The following HCN1 variants were observed in gnomAD, a reference collection of about 807,000 sequenced individuals.
The protein encoded by HCN1 is potassium/sodium hyperpolarization-activated cyclic nucleotide-gated channel 1.
HCN1 carries 13 observed loss-of-function variants against 78.9 expected under a neutral mutation model. The ratio of observed to expected loss-of-function variants is 0.16; its 90% CI spans 0.11 to 0.26. The LOEUF is 0.26. Ranked by LOEUF, HCN1 falls within the 10% of genes least tolerant of loss-of-function variation. HCN1 has a pLI of 1.00. For synonymous variants in HCN1, 552 were observed against 455.5 expected, an observed-to-expected ratio of 1.21 and a Z score of -2.70; for missense variants, 810 against 1,154.3, an observed-to-expected ratio of 0.70 and a Z score of 4.32.
chr5:45,257,547 C>T lies in HCN1; in HGVS notation c.*4374G>A, dbSNP rs1281238496. ...TGCGGGGAGTGTCAGCAAGGCTTCT[C>T]TCATTAAAAAACCTTAAAATCTCCA... On this transcript the variant is annotated 3_prime_UTR_variant, in exon 8 of 8. Transcript: ENST00000303230. The T allele has an allele frequency of 6.6e-6, 1 of 152,062 alleles. No homozygotes were observed. Among genetic ancestry groups the T allele is most frequent in the Non-Finnish European group, 1.5e-5 (1 of 68,030 alleles). 9.4% of individuals were successfully genotyped at this position (152,062 alleles called of 1,614,324 possible).
chr5:45,335,113 G>A lies in HCN1; in HGVS notation c.1377+17987C>T, dbSNP rs185921425. On this transcript the variant is annotated intron_variant, in intron 5 of 7. Transcript: ENST00000303230. Reference sequence around the variant, plus strand: ...GACACATGATCTGTACCTATTTTAAGCCCATGGCTCTTCACAATCCATTGT... The same window carrying A: ...GACACATGATCTGTACCTATTTTAAACCCATGGCTCTTCACAATCCATTGT... Among the ~76,000 whole-genome samples, 457 of 152,078 alleles carry A rather than the reference G, an allele frequency of 3.0e-3. 1 individual carries two copies. The highest frequency in any genetic ancestry group is 0.01 in the African/African-American group (435 of 41,530).
chr5:45,473,804 T>C (rs1185951320), intron 2 of HCN1, among the ~76,000 whole-genome samples: 2 of 151,984 alleles, frequency 1.3e-5, no homozygotes, highest in South Asian at 4.1e-4. Context: ...CTTTTTATCA[T>C]GCATTCAACT....
chr5:45,287,883 A>G (rs1745299821), intron 6 of HCN1, among the ~76,000 whole-genome samples: 1 of 152,022 alleles, frequency 6.6e-6, no homozygotes, highest in Non-Finnish European at 1.5e-5. Flanking sequence ...TTTATACTAC[A>G]CTGGCCCTTT....
intron 2 of HCN1, among the ~76,000 whole-genome samples, chr5:45,628,737 A>G (rs1001171099): frequency 2.0e-5 from 3 of 152,130 alleles, no homozygotes; most frequent in African/African-American, 4.8e-5. Flanking sequence ...GCACCTTAGG[A>G]AGCCAAGGCG....
At chr5:45,417,751 CAAAAAAAAAAAA>C (rs1212611466) in intron 3 of HCN1, among the ~76,000 whole-genome samples, 3 of 14,796 alleles carry the variant, frequency 2.0e-4, no homozygotes, top group African/African-American at 3.8e-4. Context: ...TGTAGAGAGA[CAAAAAAAAAAAA>C]AAAAAAAAAA....
chr5:45,438,523 G>A (rs1302571773), intron 3 of HCN1, among the ~76,000 whole-genome samples: 1 of 151,596 alleles, frequency 6.6e-6, no homozygotes, highest in Non-Finnish European at 1.5e-5. Context: ...CCTGGGAGGT[G>A]GAGCTTGCAG....
At chr5:45,612,163 G>T (rs1217386026) in intron 2 of HCN1, among the ~76,000 whole-genome samples, 1 of 151,914 alleles carries the variant, frequency 6.6e-6, no homozygotes, top group African/African-American at 2.4e-5. Context: ...GTTATTTCTG[G>T]AGTCTTGATT....
chr5:45,510,731 C>G (rs916393717), intron 2 of HCN1, among the ~76,000 whole-genome samples: 1 of 152,026 alleles, frequency 6.6e-6, no homozygotes, highest in Non-Finnish European at 1.5e-5. Context: ...CCATCATGTC[C>G]ACATTCCAGG....
At chr5:45,372,784 C>T (rs1354993881) in intron 4 of HCN1, among the ~76,000 whole-genome samples, 1 of 139,794 alleles carries the variant, frequency 7.2e-6, no homozygotes, top group African/African-American at 2.7e-5. Context: ...GTATTCTATA[C>T]ACAAAAATAT....
Position 45,695,734 on chromosome 5 carries a change from C to T in HCN1, c.360G>A (p.Val120=), listed in dbSNP as rs751582076. Residue 120 remains valine (V), a synonymous_variant, in exon 1 of 8, where the codon GTG becomes GTA. Coordinates refer to ENST00000303230, the MANE Select transcript of HCN1 (RefSeq NM_021072.4). ...SLRMFGSQKA[V]EKEQERVKTA... ...TTTTAACCCTTTCCTGCTCCTTTTCCACCGCCTTCTGGCTCCCAAACATGC... is the reference window on the plus strand; with the variant it reads ...TTTTAACCCTTTCCTGCTCCTTTTCTACCGCCTTCTGGCTCCCAAACATGC... The T allele has an allele frequency of 3.7e-6, 6 of 1,612,606 alleles. No homozygotes were observed. The Admixed American group carries it at 8.3e-5, about 22-fold the overall frequency.
chr5:45,365,998 A>G (rs1254610448), intron 4 of HCN1, among the ~76,000 whole-genome samples: 1 of 151,910 alleles, frequency 6.6e-6, no homozygotes, highest in Non-Finnish European at 1.5e-5. Flanking sequence ...TAAATTATAA[A>G]GCCAATTAGC....
chr5:45,632,359 C>T (rs1187158802), intron 2 of HCN1, among the ~76,000 whole-genome samples: 1 of 151,620 alleles, frequency 6.6e-6, no homozygotes, highest in Non-Finnish European at 1.5e-5. Context: ...AGAAAAATGA[C>T]TAATAGATAT....
At chr5:45,534,100 A>C (rs575613175) in intron 2 of HCN1, among the ~76,000 whole-genome samples, 1 of 152,154 alleles carries the variant, frequency 6.6e-6, no homozygotes, top group African/African-American at 2.4e-5. Flanking sequence ...CATATTGTGC[A>C]CTGCAAGATG....
At chr5:45,619,797 T>C (rs552891097) in intron 2 of HCN1, among the ~76,000 whole-genome samples, 1 of 152,196 alleles carries the variant, frequency 6.6e-6, no homozygotes, top group East Asian at 1.9e-4. Context: ...ATTAATGTGG[T>C]GATTTGAACT....
At chr5:45,493,930 T>C (rs1435697280) in intron 2 of HCN1, among the ~76,000 whole-genome samples, 1 of 152,150 alleles carries the variant, frequency 6.6e-6, no homozygotes, top group Non-Finnish European at 1.5e-5. Flanking sequence ...GGACATGAAC[T>C]CATCATTTTT....
At chr5:45,326,727 T>A (rs928202561) in intron 5 of HCN1, among the ~76,000 whole-genome samples, 4 of 151,634 alleles carry the variant, frequency 2.6e-5, no homozygotes, top group Non-Finnish European at 4.4e-5. Context: ...ATTAAAAGAT[T>A]TTAATGTTTT....
chr5:45,638,196 G>T (rs745769224), intron 2 of HCN1, among the ~76,000 whole-genome samples: 6 of 152,086 alleles, frequency 3.9e-5, no homozygotes, highest in Admixed American at 2.0e-4. Context: ...GGGAAAAGGA[G>T]ATTTAAAGAA....
At chr5:45,599,534 A>G (rs116195652) in intron 2 of HCN1, among the ~76,000 whole-genome samples, 10,945 of 152,236 alleles carry the variant, frequency 0.072, 574 homozygotes, top group Middle Eastern at 0.15. Context: ...AACTTAAAGT[A>G]TAATTTAAAA....
chr5:45,294,523 T>C (rs1362253692), intron 6 of HCN1, among the ~76,000 whole-genome samples: 1 of 151,808 alleles, frequency 6.6e-6, no homozygotes. Context: ...CACTTTGGCG[T>C]GGAAAGATAA....
Sources: allele counts gnomAD v4.1 joint callset (sites outside exome capture counted in the v4.1 genomes callset), GRCh38; gene constraint gnomAD v4.1.1; transcripts MANE v1.5; gene names NCBI Gene and HGNC (gene_info 2026-07-23, HGNC 2026-07-21).